Variants in SCAF4 observed in about 807,000 individuals in gnomAD.
The protein encoded by SCAF4 is SR-related and CTD-associated factor 4.
A neutral mutation model predicts 129.8 loss-of-function variants in SCAF4; 25 were observed. The observed-to-expected ratio is 0.19, with a 90% confidence interval of 0.14 to 0.27. The LOEUF is 0.27. Among genes scored for constraint, SCAF4 ranks in the 10% least tolerant of loss-of-function variants. SCAF4 has a pLI of 1.00. For missense variants in SCAF4, 1,246 were observed against 1,457.1 expected (o/e 0.86, Z 2.36); for synonymous variants, 551 against 497.7 (o/e 1.11, Z -1.43).
chr21:31,710,967 C>G (rs2050786586), intron 1 of SCAF4, among the ~76,000 whole-genome samples: 1 of 152,124 alleles, frequency 6.6e-6, no homozygotes, highest in Admixed American at 6.5e-5. Context: ...AATGACCACC[C>G]TTACTTATAT....
intron 1 of SCAF4, among the ~76,000 whole-genome samples, chr21:31,729,574 G>T (rs571853982): frequency 6.7e-6 from 1 of 150,192 alleles, no homozygotes; most frequent in South Asian, 2.1e-4. Context: ...TATGGGGAAC[G>T]AATCAAGAAC....
Position 31,731,790 on chromosome 21 carries a change from G to A in SCAF4, c.-98C>T. 4 of 1,371,302 alleles carry A rather than the reference G, an allele frequency of 2.9e-6. No individual in the cohort carries two copies. The highest frequency in any genetic ancestry group is 3.8e-6 in the Non-Finnish European group (4 of 1,045,586). The allele number at this position is 1,371,302 out of a possible 1,614,324, so 84.9% of individuals were successfully genotyped here. ...GGAAACCAGCCGGGCCTGGTGGCCG[G>A]GGGGAGGCGACGAGCGGCGGAGTCC... On this transcript the variant is annotated 5_prime_UTR_variant, in exon 1 of 20. Coordinates refer to ENST00000286835, the MANE Select transcript of SCAF4 (RefSeq NM_020706.2).
Position 31,694,881 on chromosome 21 carries a change from C to T in SCAF4, c.1168G>A (p.Val390Met), listed in dbSNP as rs767775482. Residue 390 changes from valine to methionine, a missense_variant, in exon 10 of 20, where the codon GTG becomes ATG. Physicochemically the swap from Val to Met is conservative, Grantham distance 21. Transcript: ENST00000286835. ...AAAGAAGCTTGGAAAGGCTGCTGCA[C>T]TGGTGGAGTTGGAGGAATCACAGGC... ...AQPVIPPTPP[V>M]QQPFQASFQA... 12 of 1,614,082 alleles carry T rather than the reference C, an allele frequency of 7.4e-6. No homozygotes were observed. The South Asian group carries it at 1.3e-4, about 18-fold the overall frequency.
rs578023456 is a variant in SCAF4, at chr21:31,671,943, G to GGCTGCTGCT, written c.2891_2899dup (p.Gln964_Gln966dup). 2.1e-5 allele frequency: 34 copies of GGCTGCTGCT among 1,606,394 alleles called. No individual in the cohort carries two copies. Among genetic ancestry groups the GGCTGCTGCT allele is most frequent in the Admixed American group, 3.3e-5 (2 of 59,904 alleles). ...TGGTGGAGGCTGTTGTGATGGTGGTGGCTGCTGCTGCTGCTGCTGCTGTGG... is the reference window on the plus strand; with the variant it reads ...TGGTGGAGGCTGTTGTGATGGTGGTGGCTGCTGCTGCTGCTGCTGCTGCTGCTGCTGTGG... On this transcript the variant is annotated inframe_insertion, in exon 20 of 20. Transcript: ENST00000286835.
At chr21:31,704,952 A>G (rs1030496346) in intron 3 of SCAF4, among the ~76,000 whole-genome samples, 4 of 152,230 alleles carry the variant, frequency 2.6e-5, no homozygotes, top group Admixed American at 1.3e-4. Flanking sequence ...GTTAAGACAA[A>G]GATGTCTCAG....
intron 19 of SCAF4, among the ~76,000 whole-genome samples, chr21:31,681,881 T>C (rs1269048125): frequency 6.6e-6 from 1 of 152,210 alleles, no homozygotes; most frequent in Non-Finnish European, 1.5e-5. Context: ...TACAGAATTT[T>C]TGGAGACCCA....
chr21:31,711,722 C>A (rs1375933564), intron 1 of SCAF4, among the ~76,000 whole-genome samples: 4 of 151,938 alleles, frequency 2.6e-5, no homozygotes, highest in African/African-American at 9.7e-5. Flanking sequence ...GACTGTACAG[C>A]TATGTTAAGT....
chr21:31,689,535 C>T lies in SCAF4; in HGVS notation c.1886-1071G>A, dbSNP rs2050209042. On this transcript the variant is annotated intron_variant, in intron 15 of 19. Coordinates refer to ENST00000286835, the MANE Select transcript of SCAF4 (RefSeq NM_020706.2). The stretch of plus-strand genomic sequence containing the variant: ...ATGTTGGCCAGGCTGGTCTCAAACT[C>T]CTGACCTCAAGTGACCTGCCTGCCT... 4.0e-5 allele frequency among the ~76,000 whole-genome samples: 6 copies of T among 148,928 alleles called. No homozygotes were observed. The South Asian group carries it at 1.3e-3, about 32-fold the overall frequency.
chr21:31,717,610 A>G (rs1195135249), intron 1 of SCAF4, among the ~76,000 whole-genome samples: 1 of 150,840 alleles, frequency 6.6e-6, no homozygotes, highest in East Asian at 1.9e-4. Flanking sequence ...TAACTTGTCC[A>G]CAGAGTAAAT....
chr21:31,671,880 C>T lies in SCAF4; in HGVS notation c.2963G>A (p.Arg988Lys). 6.2e-7 allele frequency: 1 copy of T among 1,614,190 alleles called. No homozygotes were observed. Among genetic ancestry groups the T allele is most frequent in the Admixed American group, 1.7e-5 (1 of 60,024 alleles). Residue 988 changes from arginine (R) to lysine (K), a missense_variant, in exon 20 of 20, where the codon AGG becomes AAG. Arg to Lys is a conservative substitution (Grantham distance 26). Around this residue, in one of 6 missense-constraint regions of SCAF4, gnomAD observed 339 missense variants for 325.0 expected, o/e 1.04. Transcript: ENST00000286835. ...GTCTCTACCTGAATTGAACTGCTGC[C>T]TGTTATCATTTCTAAACTGCTGTGG... ...QQPQQFRNDN[R>K]QQFNSGRDQE...
intron 1 of SCAF4, among the ~76,000 whole-genome samples, chr21:31,728,235 T>C (rs765785235): frequency 6.6e-6 from 1 of 152,200 alleles, no homozygotes. Context: ...CTTATATATA[T>C]ACATATAATA....
chr21:31,706,446 G>T, intron 1 of SCAF4, 89 bp from the exon 2 acceptor site: 3 of 860,650 alleles, frequency 3.5e-6, no homozygotes, highest in South Asian at 1.6e-5. Context: ...TCACCACTTG[G>T]AAAATACAAA....
intron 14 of SCAF4, 93 bp from the exon 15 acceptor site, chr21:31,691,046 CG>C: frequency 9.2e-7 from 1 of 1,082,778 alleles, no homozygotes; most frequent in Non-Finnish European, 1.3e-6. Context: ...CATTCCGACT[CG>C]GGCACCAAGG....
At chr21:31,699,407 T>C (rs1192935299) in intron 7 of SCAF4, among the ~76,000 whole-genome samples, 2 of 151,696 alleles carry the variant, frequency 1.3e-5, no homozygotes, top group East Asian at 1.9e-4. Flanking sequence ...TGTTCGTATG[T>C]GCATGCAAAC....
chr21:31,702,410 T>A, intron 4 of SCAF4, 31 bp from the exon 5 acceptor site: 2 of 1,595,136 alleles, frequency 1.3e-6, no homozygotes, highest in Non-Finnish European at 1.7e-6. Context: ...AAATATACAA[T>A]AAATATTTGC....
chr21:31,705,930 C>A (rs568533584), intron 2 of SCAF4, among the ~76,000 whole-genome samples: 35 of 152,228 alleles, frequency 2.3e-4, no homozygotes, highest in Non-Finnish European at 4.3e-4. Flanking sequence ...TGAGGCTGGG[C>A]GTGGTGGCGC....
At chr21:31,689,272 C>T (rs1023204093) in intron 15 of SCAF4, among the ~76,000 whole-genome samples, 1 of 151,554 alleles carries the variant, frequency 6.6e-6, no homozygotes, top group South Asian at 2.1e-4. Flanking sequence ...GCTCTGAAAC[C>T]GTCACTCCTG....
At chr21:31,722,250 T>C (rs2051087703) in intron 1 of SCAF4, among the ~76,000 whole-genome samples, 1 of 152,172 alleles carries the variant, frequency 6.6e-6, no homozygotes, top group Admixed American at 6.5e-5. Flanking sequence ...CACATGCAGA[T>C]TTGATATACC....
At chr21:31,730,384 A>T (rs1242002065) in intron 1 of SCAF4, among the ~76,000 whole-genome samples, 2 of 152,214 alleles carry the variant, frequency 1.3e-5, no homozygotes, top group Non-Finnish European at 2.9e-5. Context: ...CAGTTAGGGC[A>T]TTTTATGTAC....
Sources: allele counts gnomAD v4.1 joint callset (sites outside exome capture counted in the v4.1 genomes callset), GRCh38; gene constraint gnomAD v4.1.1; regional missense constraint gnomAD v4.1.1; transcripts MANE v1.5; gene names NCBI Gene and HGNC (gene_info 2026-07-23, HGNC 2026-07-21).